The following GNG7 variants were observed in gnomAD, a reference collection of about 807,000 sequenced individuals.
GNG7 encodes the protein G protein subunit gamma 7.
Under a neutral mutation model 4.0 loss-of-function variants are expected in GNG7, and 1 was observed. The observed-to-expected ratio is 0.25, with a 90% confidence interval of 0.09 to 1.18. The LOEUF is 1.18. Ranked by LOEUF, GNG7 falls within the 50% of genes most tolerant of loss-of-function variation. The probability of loss-of-function intolerance (pLI) is 0.50; values close to 1 mark genes in which losing one functional copy is unlikely to be tolerated. For synonymous variants in GNG7, 34 were observed against 36.9 expected (o/e 0.92, Z 0.29); for missense variants, 86 against 91.9 (o/e 0.94, Z 0.26).
intron 2 of GNG7, among the ~76,000 whole-genome samples, chr19:2,595,577 T>A (rs1980992566): frequency 6.6e-6 from 1 of 150,752 alleles, no homozygotes; most frequent in Non-Finnish European, 1.5e-5. Context: ...CTAGTAAAAA[T>A]ACAAAAAATT....
intron 2 of GNG7, chr19:2,643,710 G>C: frequency 2.2e-6 from 1 of 450,136 alleles, no homozygotes; most frequent in South Asian, 1.6e-5. Context: ...GCTTCACTGG[G>C]GTGCAGTTAC....
At chr19:2,570,745 C>T (rs1262478821) in intron 2 of GNG7, among the ~76,000 whole-genome samples, 1 of 152,116 alleles carries the variant, frequency 6.6e-6, no homozygotes, top group Non-Finnish European at 1.5e-5. Context: ...AGGACGTGAA[C>T]CCACAATTCA....
chr19:2,528,144 G>A (rs1218079942), intron 3 of GNG7, among the ~76,000 whole-genome samples: 5 of 151,818 alleles, frequency 3.3e-5, no homozygotes, highest in African/African-American at 1.2e-4. Flanking sequence ...GGTAGTGCGT[G>A]CCTGTAATTC....
intron 3 of GNG7, among the ~76,000 whole-genome samples, chr19:2,547,773 T>C (rs1979176792): frequency 6.6e-6 from 1 of 152,208 alleles, no homozygotes; most frequent in Non-Finnish European, 1.5e-5. Context: ...GAACCCACTC[T>C]GTTCCCAGGG....
intron 1 of GNG7, among the ~76,000 whole-genome samples, chr19:2,651,271 TC>T (rs1568274468): frequency 5.8e-4 from 46 of 79,848 alleles, no homozygotes; most frequent in African/African-American, 1.9e-3. Flanking sequence ...CTTCCTTCCT[TC>T]CCTCCCTCCC....
rs1972652255 is a variant in GNG7, at chr19:2,511,325, T to TA, written c.*3696dup. The TA allele has an allele frequency of 6.6e-6, 1 of 152,248 alleles. No homozygotes were observed. Among genetic ancestry groups the TA allele is most frequent in the Admixed American group, 6.5e-5 (1 of 15,268 alleles). 9.4% of individuals were successfully genotyped at this position (152,248 alleles called of 1,614,324 possible). A position where few individuals can be genotyped will look rare whatever the true frequency, so the allele number is the denominator to read the frequency against. On this transcript the variant is annotated 3_prime_UTR_variant, in exon 5 of 5. Coordinates refer to ENST00000382159, the MANE Select transcript of GNG7 (RefSeq NM_052847.3). This position sits in a 1 kb window ranked among gnomAD's most constrained non-coding sequence, Gnocchi z 6.3. ...AGTGGGTGCGGCACACCTGGAATTT[T>TA]AAAAAAGTCAGAAATAAAAACAACC... is the stretch of plus-strand genomic sequence containing the variant.
intron 2 of GNG7, chr19:2,630,651 T>A (rs981557952): frequency 6.6e-6 from 1 of 151,828 alleles, no homozygotes. Flanking sequence ...GGAATGAGCT[T>A]GGAAGGGGAT....
In GNG7 at chr19:2,514,190, T is replaced by G. The variant is rs1416984595; in HGVS notation, c.*832A>C. ...CCAGCCTGGGTAACAAGAATGAAAC[T>G]CCATCTCAAAAAAAGAAAAAAAAAA... On this transcript the variant is annotated 3_prime_UTR_variant, in exon 5 of 5. Transcript: ENST00000382159. 7.2e-6 allele frequency: 1 copy of G among 138,562 alleles called. No homozygotes were observed. Among genetic ancestry groups the G allele is most frequent in the East Asian group, 2.1e-4 (1 of 4,762 alleles). The allele number at this position is 138,562 out of a possible 1,614,324, so 8.6% of individuals were successfully genotyped here. A position where few individuals can be genotyped will look rare whatever the true frequency, so the allele number is the denominator to read the frequency against.
chr19:2,549,617 C>T (rs7259367), intron 3 of GNG7, among the ~76,000 whole-genome samples: 17,580 of 151,952 alleles, frequency 0.12, 1,101 homozygotes, highest in East Asian at 0.23. Context: ...GAGGTTTGCA[C>T]GGGGCCGGGG....
At chr19:2,669,624 T>G (rs1383878117) in intron 1 of GNG7, among the ~76,000 whole-genome samples, 1 of 152,216 alleles carries the variant, frequency 6.6e-6, no homozygotes, top group East Asian at 1.9e-4. Flanking sequence ...TCTAGGGCAC[T>G]TTCCAACATC....
chr19:2,575,486 T>C (rs1255634473), intron 2 of GNG7, among the ~76,000 whole-genome samples: 30 of 137,138 alleles, frequency 2.2e-4, no homozygotes, highest in African/African-American at 4.1e-4. Context: ...CGCAGGCACA[T>C]GCAGACACGC....
intron 1 of GNG7, among the ~76,000 whole-genome samples, chr19:2,698,996 T>C (rs1038895927): frequency 5.3e-5 from 8 of 152,186 alleles, no homozygotes; most frequent in Non-Finnish European, 1.0e-4. Context: ...TTGAGCTTCG[T>C]TGGAAGCTTC....
chr19:2,515,771 G>A (rs1972726913), intron 4 of GNG7, among the ~76,000 whole-genome samples: 1 of 152,044 alleles, frequency 6.6e-6, no homozygotes, highest in African/African-American at 2.4e-5. Flanking sequence ...CCTATCCACA[G>A]AGACAGGAAG....
chr19:2,579,553 G>C (rs1468105671), intron 2 of GNG7, among the ~76,000 whole-genome samples: 1 of 152,242 alleles, frequency 6.6e-6, no homozygotes, highest in African/African-American at 2.4e-5. Flanking sequence ...AGGTCTCCAA[G>C]TGTTTATGGT....
intron 3 of GNG7, among the ~76,000 whole-genome samples, chr19:2,531,719 C>T (rs184084774): frequency 1.2e-4 from 17 of 144,210 alleles, no homozygotes; most frequent in Admixed American, 3.5e-4. Context: ...TGCAGTGAAC[C>T]GAGATCGTGC....
intron 1 of GNG7, among the ~76,000 whole-genome samples, chr19:2,689,820 G>C (rs1214639908): frequency 5.3e-5 from 8 of 151,994 alleles, no homozygotes; most frequent in Non-Finnish European, 7.4e-5. Context: ...GTGCGAGATG[G>C]ACTCGAGGGC....
intron 1 of GNG7, among the ~76,000 whole-genome samples, chr19:2,648,222 C>T (rs2144862989): frequency 6.6e-6 from 1 of 151,502 alleles, no homozygotes; most frequent in South Asian, 2.1e-4. Flanking sequence ...CCCCATCTGC[C>T]ATCTCTATAA....
intron 3 of GNG7, among the ~76,000 whole-genome samples, chr19:2,544,867 T>A (rs931119772): frequency 6.6e-6 from 1 of 151,548 alleles, no homozygotes; most frequent in Non-Finnish European, 1.5e-5. Flanking sequence ...CAGAGAAGGA[T>A]CTTACCCCAC....
chr19:2,606,610 G>C (rs1013068414), intron 2 of GNG7, among the ~76,000 whole-genome samples: 5 of 151,308 alleles, frequency 3.3e-5, no homozygotes, highest in African/African-American at 1.2e-4. Flanking sequence ...AGCCAAGATT[G>C]TGCCACTGCA....
Sources: allele counts gnomAD v4.1 joint callset (sites outside exome capture counted in the v4.1 genomes callset), GRCh38; gene constraint gnomAD v4.1.1; non-coding constraint Gnocchi (gnomAD v3.1); transcripts MANE v1.5; gene names NCBI Gene and HGNC (gene_info 2026-07-23, HGNC 2026-07-21).